ANO3: variants seen among roughly 807,000 people sequenced by gnomAD.
The protein encoded by ANO3 is anoctamin-3.
In ANO3, 99 loss-of-function variants were observed where a neutral mutation model predicts 144.8. The ratio of observed to expected loss-of-function variants is 0.68; its 90% CI spans 0.58 to 0.81. The LOEUF (loss-of-function observed/expected upper bound fraction) is 0.81. Ranked by LOEUF, ANO3 falls within the 30% of genes least tolerant of loss-of-function variation. The pLI, the probability that ANO3 is intolerant of heterozygous loss-of-function variation, is 0.00. For synonymous variants in ANO3, 414 were observed against 392.6 expected, an observed-to-expected ratio of 1.05 and a Z score of -0.64; for missense variants, 905 against 1,202.2, an observed-to-expected ratio of 0.75 and a Z score of 3.66.
chr11:26,345,028 T>C (rs939289613), intron 1 of ANO3, among the ~76,000 whole-genome samples: 9 of 152,214 alleles, frequency 5.9e-5, no homozygotes, highest in African/African-American at 2.2e-4. Context: ...TTCTGTTAAA[T>C]ATAATGTTTA....
chr11:26,264,248 T>C (rs1253151363), intron 1 of ANO3, among the ~76,000 whole-genome samples: 4 of 152,206 alleles, frequency 2.6e-5, no homozygotes, highest in African/African-American at 7.2e-5. Context: ...AATCAATCTA[T>C]TGAATAATTT....
intron 1 of ANO3, among the ~76,000 whole-genome samples, chr11:26,274,770 G>A (rs144403263): frequency 1.3e-5 from 2 of 152,104 alleles, no homozygotes; most frequent in African/African-American, 4.8e-5. Context: ...AATAAAGTAA[G>A]CAGAGATACT....
intron 1 of ANO3, among the ~76,000 whole-genome samples, chr11:26,226,336 A>T (rs1402319441): frequency 3.9e-5 from 6 of 152,076 alleles, no homozygotes; most frequent in Admixed American, 3.9e-4. Context: ...AAAAAAATAA[A>T]CTATTACATT....
At chr11:26,223,660 A>G (rs1482999250) in intron 1 of ANO3, among the ~76,000 whole-genome samples, 2 of 151,706 alleles carry the variant, frequency 1.3e-5, no homozygotes. Context: ...AAGAGGTTTA[A>G]TTGGCTCACA....
chr11:26,462,385 T>A (rs978125075), intron 3 of ANO3, among the ~76,000 whole-genome samples: 4 of 151,870 alleles, frequency 2.6e-5, no homozygotes, highest in Non-Finnish European at 4.4e-5. Context: ...CTATTTTATA[T>A]TATTTTACAT....
At chr11:26,281,341 C>T (rs559523584) in intron 1 of ANO3, among the ~76,000 whole-genome samples, 4 of 152,140 alleles carry the variant, frequency 2.6e-5, no homozygotes, top group East Asian at 3.9e-4. Flanking sequence ...ATCATATTCA[C>T]GTTTGAAAGA....
At chr11:26,257,704 A>C (rs1381262390) in intron 1 of ANO3, among the ~76,000 whole-genome samples, 1 of 152,116 alleles carries the variant, frequency 6.6e-6, no homozygotes, top group Non-Finnish European at 1.5e-5. Context: ...TTATGCTGCT[A>C]AAACAATGGT....
chr11:26,349,722 G>A (rs1855588860), intron 1 of ANO3, among the ~76,000 whole-genome samples: 1 of 151,894 alleles, frequency 6.6e-6, no homozygotes, highest in South Asian at 2.1e-4. Context: ...CTAATTTTTT[G>A]TATTTTTAGT....
At chr11:26,587,674 G>A (rs563051087) in intron 14 of ANO3, among the ~76,000 whole-genome samples, 18 of 152,098 alleles carry the variant, frequency 1.2e-4, no homozygotes, top group Admixed American at 1.1e-3. Flanking sequence ...AAAAAGGTTG[G>A]GGCCAGGTGC....
intron 13 of ANO3, among the ~76,000 whole-genome samples, chr11:26,557,537 A>G (rs1475705122): frequency 6.6e-6 from 1 of 152,058 alleles, no homozygotes; most frequent in African/African-American, 2.4e-5. Context: ...TTTTTCTAAT[A>G]AAATAATTTA....
chr11:26,577,677 C>T (rs777290722), intron 14 of ANO3, among the ~76,000 whole-genome samples: 1 of 152,038 alleles, frequency 6.6e-6, no homozygotes, highest in Non-Finnish European at 1.5e-5. Flanking sequence ...CTCAGAATAG[C>T]TGTGCTTTTT....
chr11:26,434,327 T>C (rs978540530), intron 1 of ANO3, among the ~76,000 whole-genome samples: 1 of 152,148 alleles, frequency 6.6e-6, no homozygotes, highest in African/African-American at 2.4e-5. Flanking sequence ...CTTTTCTTCT[T>C]TATTAGTCTA....
intron 18 of ANO3, among the ~76,000 whole-genome samples, chr11:26,629,797 A>G (rs1441567719): frequency 6.6e-6 from 1 of 151,798 alleles, no homozygotes; most frequent in Non-Finnish European, 1.5e-5. Context: ...ACGCCTGGCT[A>G]ATTTTGTATT....
At chr11:26,648,583 C>T (rs1169482573) in intron 24 of ANO3, among the ~76,000 whole-genome samples, 1 of 145,962 alleles carries the variant, frequency 6.9e-6, no homozygotes, top group Non-Finnish European at 1.5e-5. Flanking sequence ...TGGGCATTGC[C>T]AGATGTCCTC....
chr11:26,573,976 G>C (rs1366450671), intron 14 of ANO3, among the ~76,000 whole-genome samples: 3 of 152,174 alleles, frequency 2.0e-5, no homozygotes, highest in East Asian at 3.9e-4. Flanking sequence ...GTTTCACTGA[G>C]ATACAGTCCT....
intron 1 of ANO3, among the ~76,000 whole-genome samples, chr11:26,300,770 A>G (rs1854209300): frequency 6.6e-6 from 1 of 152,140 alleles, no homozygotes; most frequent in Admixed American, 6.5e-5. Flanking sequence ...ATAACCTTGC[A>G]TAATATCGCT....
intron 12 of ANO3, among the ~76,000 whole-genome samples, chr11:26,549,035 G>A (rs391884): frequency 0.66 from 99,899 of 151,524 alleles, 33,226 homozygotes; most frequent in East Asian, 0.83. Flanking sequence ...TGGTCCCGTG[G>A]AGAACATATT....
At chr11:26,575,557 T>TA (rs1386710525) in intron 14 of ANO3, among the ~76,000 whole-genome samples, 1 of 152,144 alleles carries the variant, frequency 6.6e-6, no homozygotes, top group East Asian at 1.9e-4. Flanking sequence ...AAAATACTAG[T>TA]ATAAATTTAT....
intron 8 of ANO3, among the ~76,000 whole-genome samples, chr11:26,533,463 A>G (rs529532548): frequency 1.3e-5 from 2 of 152,216 alleles, no homozygotes; most frequent in African/African-American, 4.8e-5. Context: ...GCTGTTAGAC[A>G]TATAAAACTG....
Sources: allele counts gnomAD v4.1 joint callset (sites outside exome capture counted in the v4.1 genomes callset), GRCh38; gene constraint gnomAD v4.1.1; transcripts MANE v1.5; gene names NCBI Gene and HGNC (gene_info 2026-07-23, HGNC 2026-07-21).